SLIT1: variants seen among roughly 807,000 people sequenced by gnomAD.
SLIT1 encodes slit guidance ligand 1, also known as slit homolog 1 protein.
Under a neutral mutation model 186.1 loss-of-function variants are expected in SLIT1, and 66 were observed. The observed-to-expected ratio is 0.35, with a 90% CI of 0.29 to 0.44. SLIT1 has a LOEUF of 0.44. Among genes scored for constraint, SLIT1 ranks in the 20% least tolerant of loss-of-function variants. The pLI is 1.00. For missense variants in SLIT1, 1,638 were observed against 2,037.4 expected, an observed-to-expected ratio of 0.80 and a Z score of 3.77; for synonymous variants, 761 against 833.8, an observed-to-expected ratio of 0.91 and a Z score of 1.50.
At chr10:97,051,983 G>A (rs61864175) in intron 13 of SLIT1, among the ~76,000 whole-genome samples, 8,307 of 151,786 alleles carry the variant, frequency 0.055, 355 homozygotes, top group South Asian at 0.12. Flanking sequence ...ATTATTTGGC[G>A]ATCAAAAGGA....
chr10:97,054,624 C>T (rs1848821172), intron 13 of SLIT1, among the ~76,000 whole-genome samples: 1 of 152,206 alleles, frequency 6.6e-6, no homozygotes, highest in Non-Finnish European at 1.5e-5. Context: ...ATAAAATCAT[C>T]TTGCCAAATA....
At chr10:97,144,484 A>T (rs553451724) in intron 4 of SLIT1, among the ~76,000 whole-genome samples, 2 of 152,308 alleles carry the variant, frequency 1.3e-5, no homozygotes, top group South Asian at 2.1e-4. Context: ...TATAAACCAA[A>T]GAAAGGAGAG....
At position 97,021,416 on chromosome 10, in the gene SLIT1, G is replaced by A. The variant is rs1848501144; in HGVS notation, c.2583-3C>T. 3 of 1,612,438 alleles carry A rather than the reference G, an allele frequency of 1.9e-6. No individual in the cohort carries two copies. The highest frequency in any genetic ancestry group is 2.5e-6 in the Non-Finnish European group (3 of 1,179,004). On this transcript the variant is annotated splice_polypyrimidine_tract_variant and splice_region_variant and intron_variant, in intron 25 of 36. Coordinates refer to ENST00000266058, the MANE Select transcript of SLIT1 (RefSeq NM_003061.3). The surrounding 1 kb of genome is among the most constrained non-coding windows in gnomAD (Gnocchi z 4.5). The stretch of plus-strand genomic sequence containing the variant: ...ATAGGGGGTTGGCACCAATGGCCCT[G>A]AGCAGAAAGCAGAGAGAAGCAGGCA...
intron 4 of SLIT1, among the ~76,000 whole-genome samples, chr10:97,110,450 C>T (rs926428755): frequency 1.3e-5 from 2 of 152,140 alleles, no homozygotes; most frequent in Non-Finnish European, 2.9e-5. Flanking sequence ...GTGGGCAAAT[C>T]GTGGTAATGC....
intron 25 of SLIT1, among the ~76,000 whole-genome samples, chr10:97,026,545 T>A (rs753685331): frequency 7.2e-5 from 11 of 152,248 alleles, no homozygotes; most frequent in Non-Finnish European, 1.3e-4. Flanking sequence ...TATTCTGTCA[T>A]ATGGGCATGC....
intron 28 of SLIT1, among the ~76,000 whole-genome samples, chr10:97,015,083 A>G (rs1388280800): frequency 6.6e-6 from 1 of 151,608 alleles, no homozygotes; most frequent in Non-Finnish European, 1.5e-5. Context: ...TGTGTGGATC[A>G]GAGAGAGGTC....
At chr10:97,119,915 A>G (rs1200463394) in intron 4 of SLIT1, among the ~76,000 whole-genome samples, 50 of 66,388 alleles carry the variant, frequency 7.5e-4, no homozygotes, top group Non-Finnish European at 9.1e-4. Context: ...CCAAAGGGGT[A>G]TATATATATA....
At chr10:97,033,738 A>G (rs988972908) in intron 23 of SLIT1, among the ~76,000 whole-genome samples, 7 of 152,200 alleles carry the variant, frequency 4.6e-5, no homozygotes, top group African/African-American at 7.2e-5. Context: ...GCTTATGTAG[A>G]TGGTAATGCT....
rs111624744 is a variant in SLIT1 at position 97,068,604 on chromosome 10, G to T, written c.414-2518C>A. Among the ~76,000 whole-genome samples, 42 of 152,280 alleles carry T rather than the reference G, an allele frequency of 2.8e-4. No individual in the cohort carries two copies. Among genetic ancestry groups the T allele is most frequent in the African/African-American group, 8.2e-4 (34 of 41,576 alleles). On this transcript the variant is annotated intron_variant, in intron 4 of 36. Transcript: ENST00000266058. The surrounding 1 kb of genome is among the most constrained non-coding windows in gnomAD (Gnocchi z 4.2). ...GGTTCAAGCCTGCAGCACAGACACA[G>T]CTGTCCCTCCTCCAGAGCCGTCCCA...
chr10:97,012,463 A>G (rs527884024), intron 30 of SLIT1, among the ~76,000 whole-genome samples: 1 of 152,186 alleles, frequency 6.6e-6, no homozygotes, highest in Non-Finnish European at 1.5e-5. Context: ...GAGAACACGC[A>G]CTCAACGCTC....
At chr10:97,104,967 A>C (rs1849398468) in intron 4 of SLIT1, among the ~76,000 whole-genome samples, 1 of 149,414 alleles carries the variant, frequency 6.7e-6, no homozygotes, top group African/African-American at 2.4e-5. Context: ...GTGACCTACC[A>C]AGCTTATCTG....
chr10:97,113,803 G>A (rs988249133), intron 4 of SLIT1, among the ~76,000 whole-genome samples: 36 of 151,912 alleles, frequency 2.4e-4, no homozygotes, highest in African/African-American at 8.2e-4. Flanking sequence ...TGATACGCTC[G>A]CCTCGGCCTC....
chr10:97,106,207 C>T (rs1849412030), intron 4 of SLIT1, among the ~76,000 whole-genome samples: 1 of 152,148 alleles, frequency 6.6e-6, no homozygotes, highest in African/African-American at 2.4e-5. Context: ...AGAATCCCAT[C>T]AAAGCCATTA....
At position 97,054,190 on chromosome 10, in the gene SLIT1, C is replaced by T. The variant is rs567271612; in HGVS notation, c.1301+2131G>A. On this transcript the variant is annotated intron_variant, in intron 13 of 36. Coordinates refer to ENST00000266058, the MANE Select transcript of SLIT1 (RefSeq NM_003061.3). Reference sequence around the variant, plus strand: ...CCCTCATGAATGGCTTGGTGCTGCCCTTGTGATAATGAGTGAGTTCTTACT... The same window carrying T: ...CCCTCATGAATGGCTTGGTGCTGCCTTTGTGATAATGAGTGAGTTCTTACT... 4.1e-4 allele frequency among the ~76,000 whole-genome samples: 63 copies of T among 151,906 alleles called. No individual in the cohort carries two copies. In the South Asian group the frequency reaches 0.013, roughly 31 times the overall value.
Position 97,184,038 on chromosome 10 carries a change from A to T in SLIT1, c.197+1440T>A, listed in dbSNP as rs867082990. 0.022 allele frequency among the ~76,000 whole-genome samples: 3,383 copies of T among 151,222 alleles called. 149 individuals are homozygous for T. The highest frequency in any genetic ancestry group is 0.079 in the African/African-American group (3,231 of 41,158). On this transcript the variant is annotated intron_variant, in intron 1 of 36. Transcript: ENST00000266058. The surrounding 1 kb of genome is among the most constrained non-coding windows in gnomAD (Gnocchi z 4.4). The stretch of plus-strand genomic sequence containing the variant: ...ATGCACCACACACACACACACACAC[A>T]CACACACACACACACACACACTTCC...
Position 97,185,633 on chromosome 10 carries a change from G to C in SLIT1, c.42C>G (p.Val14=). The C allele has an allele frequency of 6.5e-7, 1 of 1,541,006 alleles. No homozygotes were observed. The highest frequency in any genetic ancestry group is 1.2e-5 in the South Asian group (1 of 84,472). ...TPGWGSSAGP[V]RPELWLLLWA... is the part of the protein sequence containing the mutation. The stretch of plus-strand genomic sequence containing the variant: ...ACAGCAGCAGCCAGAGCTCCGGCCG[G>C]ACCGGCCCCGCCGAGGACCCCCACC... Residue 14 remains valine, a synonymous_variant, in exon 1 of 37, where the codon GTC becomes GTG. Transcript: ENST00000266058.
intron 1 of SLIT1, among the ~76,000 whole-genome samples, chr10:97,175,948 T>C (rs930035081): frequency 2.0e-5 from 3 of 152,212 alleles, no homozygotes; most frequent in African/African-American, 7.2e-5. Flanking sequence ...GAATCAATCA[T>C]GGCCAATTTG....
In SLIT1 at chr10:97,148,716, T is replaced by G. The variant is rs532644573; in HGVS notation, c.413+9102A>C. On this transcript the variant is annotated intron_variant, in intron 4 of 36. Coordinates refer to ENST00000266058, the MANE Select transcript of SLIT1 (RefSeq NM_003061.3). ...AAATGTTCACTTTCTAGCAAAATTA[T>G]TTTCATAATTTTTATTTTAAAATCG... is the stretch of plus-strand genomic sequence containing the variant. Among the ~76,000 whole-genome samples the G allele has an allele frequency of 5.4e-4, 82 of 152,262 alleles. 1 individual carries two copies. Among genetic ancestry groups the G allele is most frequent in the Non-Finnish European group, 8.2e-4 (56 of 68,052 alleles).
chr10:97,141,839 T>C (rs771827365), intron 4 of SLIT1, among the ~76,000 whole-genome samples: 2 of 152,040 alleles, frequency 1.3e-5, no homozygotes, highest in Non-Finnish European at 2.9e-5. Context: ...GTCATGCAGG[T>C]TGAAATGCAG....
Sources: allele counts gnomAD v4.1 joint callset (sites outside exome capture counted in the v4.1 genomes callset), GRCh38; gene constraint gnomAD v4.1.1; non-coding constraint Gnocchi (gnomAD v3.1); transcripts MANE v1.5; gene names NCBI Gene and HGNC (gene_info 2026-07-23, HGNC 2026-07-21).